SLC15A1: variants seen among roughly 807,000 people sequenced by gnomAD.
The protein encoded by SLC15A1 is solute carrier family 15 member 1.
SLC15A1 carries 83 observed loss-of-function variants against 92.9 expected under a neutral mutation model. That is an observed-to-expected ratio of 0.89 (90% CI 0.75 to 1.07). The LOEUF (loss-of-function observed/expected upper bound fraction) is 1.07. SLC15A1 is among the 50% of genes least tolerant of loss of function. The probability of loss-of-function intolerance (pLI) is 0.00; values close to 1 mark genes in which losing one functional copy is unlikely to be tolerated. For synonymous variants in SLC15A1, 322 were observed against 318.2 expected, an observed-to-expected ratio of 1.01 and a Z score of -0.13; for missense variants, 857 against 880.1, an observed-to-expected ratio of 0.97 and a Z score of 0.33.
intron 18 of SLC15A1, among the ~76,000 whole-genome samples, chr13:98,701,304 T>C (rs550685569): frequency 1.3e-5 from 2 of 152,314 alleles, no homozygotes; most frequent in South Asian, 4.1e-4. Context: ...ATAGTATACA[T>C]GAAATAGTTG....
intron 21 of SLC15A1, among the ~76,000 whole-genome samples, chr13:98,686,771 T>C (rs571894752): frequency 1.3e-5 from 2 of 152,306 alleles, no homozygotes; most frequent in African/African-American, 4.8e-5. Flanking sequence ...TTCTGACTCA[T>C]CTTGGCCTCT....
chr13:98,701,803 T>C (rs574566465), intron 18 of SLC15A1, among the ~76,000 whole-genome samples: 1 of 151,982 alleles, frequency 6.6e-6, no homozygotes, highest in South Asian at 2.1e-4. Context: ...CCCGAGTAGC[T>C]GGGATTACAG....
intron 1 of SLC15A1, among the ~76,000 whole-genome samples, chr13:98,736,338 A>C (rs1469312100): frequency 2.0e-5 from 3 of 152,226 alleles, no homozygotes; most frequent in African/African-American, 7.2e-5. Context: ...ACAAAAATTA[A>C]TTCAAGATGG....
chr13:98,752,375 CGGCGCCTCTG>C (rs2088553978), intron 1 of SLC15A1, among the ~76,000 whole-genome samples: 1 of 152,250 alleles, frequency 6.6e-6, no homozygotes, highest in East Asian at 1.9e-4. Context: ...TCGGCGGAGT[CGGCGCCTCTG>C]GGCACCTCTG....
intron 1 of SLC15A1, among the ~76,000 whole-genome samples, chr13:98,729,143 A>C (rs1320997547): frequency 6.6e-6 from 1 of 151,730 alleles, no homozygotes; most frequent in Non-Finnish European, 1.5e-5. Flanking sequence ...ATATTGTATT[A>C]ATATTAATAT....
Position 98,686,233 on chromosome 13 carries a change from A to G in SLC15A1, c.1892T>C (p.Ile631Thr), listed in dbSNP as rs150580715. 2.6e-3 allele frequency: 4,198 copies of G among 1,613,826 alleles called. 8 individuals carry two copies. The highest frequency in any genetic ancestry group is 3.4e-3 in the Non-Finnish European group (4,049 of 1,179,942). Residue 631 changes from isoleucine to threonine, a missense_variant, in exon 22 of 23, where the codon ATC becomes ACC. Physicochemically the swap from Ile to Thr is moderately conservative, Grantham distance 89. Coordinates refer to ENST00000376503, the MANE Select transcript of SLC15A1 (RefSeq NM_005073.4). ...GWLLTVAVGN[I>T]IVLIVAGAGQ... ...TGCCCCTGCCACGATGAGCACAATGATGTTGCCAACAGCCACGGTCAGCAG... is the reference window on the plus strand; with the variant it reads ...TGCCCCTGCCACGATGAGCACAATGGTGTTGCCAACAGCCACGGTCAGCAG...
In SLC15A1 at chr13:98,704,318, G is replaced by C. The variant is rs763198273; in HGVS notation, c.1387C>G (p.Leu463Val). ...TGGTAGTGATTGGGGGCCCACACTA[G>C]AAGCGTGTGGCGTTGGCCCTGCTTG... Reference protein sequence around the residue: ...DFKQGQRHTLLVWAPNHYQVV... With the variant: ...DFKQGQRHTLVVWAPNHYQVV... Residue 463 changes from leucine to valine, a missense_variant, in exon 17 of 23, where the codon CTA (leucine) becomes GTA (valine). Coordinates refer to ENST00000376503, the MANE Select transcript of SLC15A1 (RefSeq NM_005073.4). The C allele has an allele frequency of 6.2e-6, 10 of 1,613,196 alleles. No individual in the cohort carries two copies. Among genetic ancestry groups the C allele is most frequent in the Non-Finnish European group, 8.5e-6 (10 of 1,179,536 alleles).
intron 22 of SLC15A1, 129 bp downstream of exon 22, chr13:98,686,061 G>A: frequency 2.9e-6 from 2 of 685,248 alleles, no homozygotes; most frequent in Non-Finnish European, 5.3e-6. Context: ...GCCCTGGCTG[G>A]TCTGGCAGTT....
At chr13:98,720,913 A>G (rs765900645) in intron 7 of SLC15A1, 5 of 351,822 alleles carry the variant, frequency 1.4e-5, no homozygotes, top group South Asian at 6.7e-5. Context: ...TTATCCGGGC[A>G]TGGTGGCAGG....
At chr13:98,706,040 CA>C (rs1319847787) in intron 16 of SLC15A1, 93 bp downstream of exon 16, 2 of 1,388,938 alleles carry the variant, frequency 1.4e-6, no homozygotes, top group African/African-American at 2.9e-5. Context: ...CTGGCCTTGG[CA>C]TTTATACAAG....
intron 1 of SLC15A1, among the ~76,000 whole-genome samples, chr13:98,739,420 C>T (rs1168094149): frequency 1.3e-5 from 2 of 152,106 alleles, no homozygotes; most frequent in East Asian, 3.8e-4. Flanking sequence ...ATATAATGCT[C>T]AATTGTTGGA....
Position 98,688,316 on chromosome 13 carries a change from A to T in SLC15A1, c.1615T>A (p.Cys539Ser). 6.2e-7 allele frequency: 1 copy of T among 1,614,106 alleles called. No homozygotes were observed. Among genetic ancestry groups the T allele is most frequent in the Non-Finnish European group, 8.5e-7 (1 of 1,179,996 alleles). Residue 539 changes from cysteine (C) to serine (S), a missense_variant, in exon 20 of 23, where the codon TGT becomes AGT. Coordinates refer to ENST00000376503, the MANE Select transcript of SLC15A1 (RefSeq NM_005073.4). ...TISSTEIPPQ[C>S]QPNFNTFYLE... is the part of the protein sequence containing the mutation. ...TAGAAAGTATTGAAATTAGGTTGAC[A>T]TTGTGGCGGAATCTCTGTTGAGCTT...
At chr13:98,701,668 T>C in intron 18 of SLC15A1, among the ~76,000 whole-genome samples, 1 of 27,280 alleles carries the variant, frequency 3.7e-5, no homozygotes, top group East Asian at 2.7e-4. Flanking sequence ...ACTCAGCTAA[T>C]TTTTTTTTTT....
intron 1 of SLC15A1, among the ~76,000 whole-genome samples, chr13:98,735,149 T>C (rs1566457656): frequency 6.6e-6 from 1 of 152,206 alleles, no homozygotes; most frequent in African/African-American, 2.4e-5. Context: ...CATGATCAAG[T>C]TGGCTTCATC....
chr13:98,688,613 A>G (rs2087951290), intron 18 of SLC15A1, 36 bp from the exon 19 acceptor site: 2 of 1,467,564 alleles, frequency 1.4e-6, no homozygotes, highest in African/African-American at 2.8e-5. Context: ...TAACTGAACT[A>G]GAGAATAATA....
At chr13:98,697,517 T>C (rs2088032917) in intron 18 of SLC15A1, among the ~76,000 whole-genome samples, 1 of 152,078 alleles carries the variant, frequency 6.6e-6, no homozygotes, top group Admixed American at 6.5e-5. Context: ...TAGCCATGTT[T>C]AGTTACACTG....
intron 21 of SLC15A1, 125 bp from the exon 22 acceptor site, chr13:98,686,422 C>T (rs1006410180): frequency 1.7e-4 from 117 of 672,252 alleles, no homozygotes; most frequent in Admixed American, 8.1e-4. Context: ...GTCAGGTGGC[C>T]TCAATGTAAA....
At chr13:98,712,620 G>T in intron 9 of SLC15A1, 36 bp from the exon 10 acceptor site, 1 of 1,473,414 alleles carries the variant, frequency 6.8e-7, no homozygotes, top group Non-Finnish European at 9.4e-7. Flanking sequence ...TTCAAAACAG[G>T]ACCAACAACT....
At chr13:98,721,267 A>C (rs1297869147) in intron 7 of SLC15A1, 10 of 666,804 alleles carry the variant, frequency 1.5e-5, no homozygotes, top group Admixed American at 4.1e-5. Flanking sequence ...CATGCTAAGG[A>C]TGGCTTAGAC....
Sources: gnomAD v4.1 joint callset for allele counts (sites outside exome capture counted in the v4.1 genomes callset) on GRCh38, gnomAD v4.1.1 for gene constraint, MANE v1.5 for transcripts, NCBI Gene and HGNC (gene_info 2026-07-23, HGNC 2026-07-21) for gene names.